Variants in PTPRU observed in about 807,000 individuals in gnomAD.
PTPRU encodes the protein receptor-type tyrosine-protein phosphatase U.
In PTPRU, 69 loss-of-function variants were observed where a neutral mutation model predicts 166.3. That is an observed-to-expected ratio of 0.41 (90% CI 0.34 to 0.51). The LOEUF (loss-of-function observed/expected upper bound fraction) is 0.51, where lower values mean the gene tolerates loss of function less well. Ranked by LOEUF, PTPRU falls within the 20% of genes least tolerant of loss-of-function variation. The pLI is 0.09. For synonymous variants in PTPRU, 793 were observed against 814.0 expected (o/e 0.97, Z 0.44); for missense variants, 1,657 against 2,013.7 (o/e 0.82, Z 3.39).
chr1:29,269,221 T>TAC (rs1385328737), intron 7 of PTPRU, among the ~76,000 whole-genome samples: 95 of 45,700 alleles, frequency 2.1e-3, no homozygotes, highest in African/African-American at 8.5e-3. Flanking sequence ...TTTATATACA[T>TAC]ATATATATAT....
intron 2 of PTPRU, among the ~76,000 whole-genome samples, chr1:29,256,192 G>C (rs955029271): frequency 9.2e-5 from 14 of 152,230 alleles, no homozygotes; most frequent in African/African-American, 3.1e-4. Flanking sequence ...GGCATGCAGG[G>C]GTCAGTTATT....
chr1:29,265,703 T>C (rs1228461342), intron 7 of PTPRU, among the ~76,000 whole-genome samples: 1 of 152,172 alleles, frequency 6.6e-6, no homozygotes, highest in African/African-American at 2.4e-5. Flanking sequence ...GTATATCCTC[T>C]TTGGTGCATC....
intron 8 of PTPRU, among the ~76,000 whole-genome samples, chr1:29,275,990 A>G (rs1462656678): frequency 1.3e-5 from 2 of 152,212 alleles, no homozygotes; most frequent in African/African-American, 4.8e-5. Context: ...CCATTTGGGC[A>G]TAGAGTTTTC....
chr1:29,323,255 G>A (rs1688243385), intron 26 of PTPRU, 116 bp from the exon 27 acceptor site: 1 of 1,354,126 alleles, frequency 7.4e-7, no homozygotes, highest in East Asian at 2.5e-5. Flanking sequence ...GTGAGTGGGT[G>A]GGCCAGGGTT....
At chr1:29,254,043 C>G (rs1192984159) in intron 1 of PTPRU, among the ~76,000 whole-genome samples, 1 of 152,180 alleles carries the variant, frequency 6.6e-6, no homozygotes, top group Non-Finnish European at 1.5e-5. Flanking sequence ...ATTGATCCAC[C>G]ACGTGGTGCT....
chr1:29,276,811 A>G (rs1400516076), intron 8 of PTPRU, among the ~76,000 whole-genome samples: 1 of 151,714 alleles, frequency 6.6e-6, no homozygotes, highest in East Asian at 1.9e-4. Context: ...TTCCTTTGTT[A>G]TACTTTCTTT....
At chr1:29,258,811 T>C in intron 3 of PTPRU, 35 bp downstream of exon 3, 2 of 1,535,944 alleles carry the variant, frequency 1.3e-6, no homozygotes, top group Non-Finnish European at 1.8e-6. Flanking sequence ...AGCCTGTGCC[T>C]GGAGGTGGGG....
chr1:29,282,479 T>C (rs1051508088), intron 11 of PTPRU, among the ~76,000 whole-genome samples, 197 bp from the exon 12 acceptor site: 2 of 152,206 alleles, frequency 1.3e-5, no homozygotes, highest in Non-Finnish European at 2.9e-5. Context: ...CTGAACAGTC[T>C]TGCAATTACT....
chr1:29,239,698 C>T (rs547781136), intron 1 of PTPRU, among the ~76,000 whole-genome samples: 32 of 152,080 alleles, frequency 2.1e-4, no homozygotes, highest in Admixed American at 3.3e-4. Context: ...CTTCCTCCCC[C>T]TCCCCCCTTT....
chr1:29,284,122 T>C (rs1686231419), intron 13 of PTPRU, 146 bp downstream of exon 13: 1 of 988,754 alleles, frequency 1.0e-6, no homozygotes, highest in African/African-American at 1.6e-5. Flanking sequence ...TCCTGCTGGG[T>C]TTCCATGTGC....
At position 29,280,073 on chromosome 1, in the gene PTPRU, C is replaced by T; in HGVS notation, c.1800C>T (p.Pro600=). 1 of 1,613,796 alleles carries T rather than the reference C, an allele frequency of 6.2e-7. No homozygotes were observed. Among genetic ancestry groups the T allele is most frequent in the Non-Finnish European group, 8.5e-7 (1 of 1,179,986 alleles). Residue 600 remains proline, a synonymous_variant, in exon 11 of 30, where the codon CCC becomes CCT. Transcript: ENST00000373779. This position sits in a 1 kb window ranked among gnomAD's most constrained non-coding sequence, Gnocchi z 4.2. ...PSFDYADMPS[P]LGESENTITV... is the part of the protein sequence containing the mutation. ...TTGATTATGCCGACATGCCGTCACCCCTGGGCGAGTCTGAGAACACCATCA... is the reference window on the plus strand; with the variant it reads ...TTGATTATGCCGACATGCCGTCACCTCTGGGCGAGTCTGAGAACACCATCA...
chr1:29,284,965 G>A lies in PTPRU; in HGVS notation c.2318+96G>A, dbSNP rs915802060. The A allele has an allele frequency of 1.6e-5, 23 of 1,454,150 alleles. No homozygotes were observed. The East Asian group carries it at 5.4e-4, about 34-fold the overall frequency. The allele number at this position is 1,454,150 out of a possible 1,614,324, so 90.1% of individuals were successfully genotyped here. A position where few individuals can be genotyped will look rare whatever the true frequency, so the allele number is the denominator to read the frequency against. On this transcript the variant is annotated intron_variant, in intron 14 of 29. Transcript: ENST00000373779. ...GTGGCTAAGAGCTGGTAGGGCAGCT[G>A]TCCTGCAGGTGTGTGGAGGGCTGCC...
intron 1 of PTPRU, 132 bp from the exon 2 acceptor site, chr1:29,255,143 G>T: frequency 9.1e-7 from 1 of 1,099,930 alleles, no homozygotes; most frequent in Non-Finnish European, 1.3e-6. Flanking sequence ...AGGGAGCAGT[G>T]TGGGGAAGGG....
chr1:29,316,545 A>G (rs1304415461), intron 24 of PTPRU, among the ~76,000 whole-genome samples: 1 of 152,184 alleles, frequency 6.6e-6, no homozygotes, highest in Non-Finnish European at 1.5e-5. Flanking sequence ...TCCAGCTTTT[A>G]TAACTGAAAA....
rs560444631 is a variant in PTPRU, at chr1:29,315,941, A to G, written c.3364-61A>G. ...TCAACCTTGAGCTTGCTTAAGCCCC[A>G]TCACCACAGATCTCCAGCTTCTAGG... On this transcript the variant is annotated intron_variant, in intron 23 of 29. Transcript: ENST00000373779. This position sits in a 1 kb window ranked among gnomAD's most constrained non-coding sequence, Gnocchi z 4.5. 1.5e-5 allele frequency: 24 copies of G among 1,588,556 alleles called. No homozygotes were observed. In the South Asian group the frequency reaches 2.5e-4, roughly 17 times the overall value.
At chr1:29,323,559 C>T (rs537563489) in intron 27 of PTPRU, 63 bp downstream of exon 27, 13 of 1,611,112 alleles carry the variant, frequency 8.1e-6, no homozygotes, top group African/African-American at 1.3e-5. Context: ...CTTTTAATGA[C>T]CCTCTGTGTC....
chr1:29,283,046 C>T (rs1243703583), intron 12 of PTPRU, 97 bp downstream of exon 12: 20 of 1,503,674 alleles, frequency 1.3e-5, no homozygotes, highest in East Asian at 2.3e-5. Context: ...ACTCCAGGCC[C>T]GGCACTTCCC....
chr1:29,285,398 C>G (rs939697914), intron 14 of PTPRU, among the ~76,000 whole-genome samples: 12 of 152,212 alleles, frequency 7.9e-5, no homozygotes, highest in Non-Finnish European at 4.4e-5. Flanking sequence ...GAGGAGCCCT[C>G]CTGGGCCTGT....
chr1:29,320,537 C>A lies in PTPRU; in HGVS notation c.3688-148C>A. 1.1e-6 allele frequency: 1 copy of A among 923,070 alleles called. No homozygotes were observed. Among genetic ancestry groups the A allele is most frequent in the Non-Finnish European group, 1.5e-6 (1 of 664,766 alleles). 57.2% of individuals were successfully genotyped at this position (923,070 alleles called of 1,614,324 possible). On this transcript the variant is annotated intron_variant, in intron 25 of 29. Transcript: ENST00000373779. The surrounding 1 kb of genome is among the most constrained non-coding windows in gnomAD (Gnocchi z 5.2). The stretch of plus-strand genomic sequence containing the variant: ...CAGGCCTCAGTGTGCCAACCAACAT[C>A]AGAAATGGCCCACTGGAGGCAGCCT...
Sources: gnomAD v4.1 joint callset for allele counts (sites outside exome capture counted in the v4.1 genomes callset) on GRCh38, gnomAD v4.1.1 for gene constraint, Gnocchi (gnomAD v3.1) non-coding constraint, MANE v1.5 for transcripts, NCBI Gene and HGNC (gene_info 2026-07-23, HGNC 2026-07-21) for gene names.